PCDHA1: variants seen among roughly 807,000 people sequenced by gnomAD.
PCDHA1 encodes protocadherin alpha-1.
A neutral mutation model predicts 61.3 loss-of-function variants in PCDHA1; 42 were observed. That is an observed-to-expected ratio of 0.69 (90% CI 0.54 to 0.89). PCDHA1 has a LOEUF of 0.89. Among genes scored for constraint, PCDHA1 ranks in the 40% least tolerant of loss-of-function variants. The probability of loss-of-function intolerance (pLI) is 0.00; values close to 1 mark genes in which losing one functional copy is unlikely to be tolerated. For missense variants in PCDHA1, 1,256 were observed against 1,235.3 expected (o/e 1.02, Z -0.25); for synonymous variants, 610 against 553.8 (o/e 1.10, Z -1.43).
intron 1 of PCDHA1, chr5:140,828,687 C>A: frequency 6.2e-7 from 1 of 1,614,206 alleles, no homozygotes; most frequent in Non-Finnish European, 8.5e-7. Context: ...TTAAAGAAAT[C>A]CTTGGACAGA....
chr5:140,926,651 C>T, intron 1 of PCDHA1: 1 of 496,446 alleles, frequency 2.0e-6, no homozygotes, highest in Non-Finnish European at 3.3e-6. Context: ...CCGGCCGGCT[C>T]CGCTTTCCCA....
intron 1 of PCDHA1, chr5:140,795,270 T>C (rs782179439): frequency 1.7e-5 from 27 of 1,614,088 alleles, no homozygotes; most frequent in African/African-American, 1.3e-4. Context: ...GCGCGGAATG[T>C]AGCATCCACG....
At chr5:140,852,705 T>C in intron 1 of PCDHA1, 1 of 979,478 alleles carries the variant, frequency 1.0e-6, no homozygotes, top group Non-Finnish European at 1.2e-6. Context: ...TTCAAGTATC[T>C]TTGTCTTTGC....
intron 1 of PCDHA1, among the ~76,000 whole-genome samples, chr5:140,880,631 A>T (rs1048791670): frequency 6.6e-6 from 1 of 152,206 alleles, no homozygotes; most frequent in Non-Finnish European, 1.5e-5. Context: ...GTTAATTATC[A>T]ATTCACTTGA....
At chr5:140,829,972 C>T (rs1344342673) in intron 1 of PCDHA1, 1 of 1,613,888 alleles carries the variant, frequency 6.2e-7, no homozygotes, top group African/African-American at 1.3e-5. Context: ...TGGGGCTGTA[C>T]ACGGGCGAGA....
At chr5:140,970,280 C>G (rs1445871505) in intron 1 of PCDHA1, among the ~76,000 whole-genome samples, 3 of 152,138 alleles carry the variant, frequency 2.0e-5, no homozygotes, top group East Asian at 1.9e-4. Flanking sequence ...TGTAAAGTAG[C>G]CTTTTCAAGT....
chr5:140,836,592 C>T (rs1554136107), intron 1 of PCDHA1: 4 of 1,613,726 alleles, frequency 2.5e-6, no homozygotes, highest in Non-Finnish European at 3.4e-6. Flanking sequence ...TTTGGTAAAG[C>T]CCACTCTGGT....
intron 1 of PCDHA1, chr5:140,808,623 C>A: frequency 6.2e-7 from 1 of 1,613,692 alleles, no homozygotes; most frequent in Non-Finnish European, 8.5e-7. Context: ...ACTGTGTCTG[C>A]GTGGGACGCG....
At chr5:140,853,843 C>T (rs2042882869) in intron 1 of PCDHA1, 1 of 986,310 alleles carries the variant, frequency 1.0e-6, no homozygotes, top group African/African-American at 1.8e-5. Flanking sequence ...ATTTTAGATC[C>T]ATAGCCCTAT....
intron 1 of PCDHA1, among the ~76,000 whole-genome samples, chr5:140,798,116 C>T (rs1342948436): frequency 2.6e-5 from 4 of 152,148 alleles, no homozygotes; most frequent in African/African-American, 9.7e-5. Flanking sequence ...AAGTGATCCA[C>T]CCTCCTAGGC....
chr5:140,830,104 G>A (rs2150181173), intron 1 of PCDHA1: 1 of 1,613,630 alleles, frequency 6.2e-7, no homozygotes, highest in Admixed American at 1.7e-5. Flanking sequence ...CGCTGGTGGA[G>A]AGTGGCCAGG....
At chr5:140,833,480 A>G (rs1378647255) in intron 1 of PCDHA1, among the ~76,000 whole-genome samples, 4 of 152,220 alleles carry the variant, frequency 2.6e-5, no homozygotes, top group East Asian at 1.9e-4. Context: ...AAGAAATAAT[A>G]CAAATCATAT....
intron 1 of PCDHA1, chr5:140,834,674 G>T: frequency 3.7e-6 from 6 of 1,614,248 alleles, no homozygotes; most frequent in Non-Finnish European, 5.1e-6. Flanking sequence ...AGCTGTGCGG[G>T]CGGAGCGCGG....
At chr5:140,922,255 A>C (rs1415394722) in intron 1 of PCDHA1, among the ~76,000 whole-genome samples, 2 of 152,256 alleles carry the variant, frequency 1.3e-5, no homozygotes, top group Non-Finnish European at 2.9e-5. Flanking sequence ...ATAAGTTACT[A>C]AGTGCCATGA....
chr5:140,842,848 G>A lies in PCDHA1; in HGVS notation c.2394+54164G>A, dbSNP rs2150346229. The stretch of plus-strand genomic sequence containing the variant: ...AGCGCTCGCTGTCGAGCTACATTTC[G>A]GTGCACACGGAGAGCGGCAAGGTGT... On this transcript the variant is annotated intron_variant, in intron 1 of 3. Coordinates refer to ENST00000504120, the MANE Select transcript of PCDHA1 (RefSeq NM_018900.4). 2.4e-5 allele frequency: 38 copies of A among 1,593,806 alleles called. 5 individuals are homozygous for A. The highest frequency in any genetic ancestry group is 1.7e-4 in the South Asian group (15 of 90,426).
intron 1 of PCDHA1, among the ~76,000 whole-genome samples, chr5:140,914,944 CT>C (rs35695909): frequency 0.29 from 37,051 of 128,010 alleles, 4,894 homozygotes; most frequent in East Asian, 0.5. Flanking sequence ...GAAAAGTTGT[CT>C]TTTTTTTTTT....
In PCDHA1 at chr5:140,855,086, A is replaced by G. The variant is rs998686310; in HGVS notation, c.2394+66402A>G. ...CTTAAATACAGAAACCACCACTCTCAGCCTGTGCAGTAGCAATAATTAAGG... is the reference window on the plus strand; with the variant it reads ...CTTAAATACAGAAACCACCACTCTCGGCCTGTGCAGTAGCAATAATTAAGG... On this transcript the variant is annotated intron_variant, in intron 1 of 3. Transcript: ENST00000504120. Among the ~76,000 whole-genome samples the G allele has an allele frequency of 3.5e-4, 52 of 150,018 alleles. 3 individuals are homozygous for G. Among genetic ancestry groups the G allele is most frequent in the African/African-American group, 1.2e-3 (49 of 41,006 alleles).
intron 1 of PCDHA1, chr5:140,850,369 G>A (rs2041555140): frequency 1.3e-6 from 2 of 1,597,806 alleles, no homozygotes; most frequent in Admixed American, 1.7e-5. Context: ...TTCCGCGTGG[G>A]GCTGTACACG....
intron 1 of PCDHA1, chr5:140,796,824 C>G (rs1762143203): frequency 1.2e-6 from 2 of 1,614,112 alleles, no homozygotes; most frequent in Non-Finnish European, 1.7e-6. Flanking sequence ...GCGCTCGCAT[C>G]CCGTTCCGCG....
Sources: allele counts gnomAD v4.1 joint callset (sites outside exome capture counted in the v4.1 genomes callset), GRCh38; gene constraint gnomAD v4.1.1; transcripts MANE v1.5; gene names NCBI Gene and HGNC (gene_info 2026-07-23, HGNC 2026-07-21).